The following MSH4 variants were observed in gnomAD, a reference collection of about 807,000 sequenced individuals.
MSH4 encodes mutS homolog 4, also known as mutS protein homolog 4.
In MSH4, 106 loss-of-function variants were observed where a neutral mutation model predicts 113.7. The ratio of observed to expected loss-of-function variants is 0.93; its 90% CI spans 0.80 to 1.10. The LOEUF is 1.10. MSH4 is among the 50% of genes least tolerant of loss of function. The pLI is 0.00. For synonymous variants in MSH4, 368 were observed against 380.2 expected (o/e 0.97, Z 0.37); for missense variants, 1,061 against 1,093.7 (o/e 0.97, Z 0.42).
chr1:75,899,997 C>T (rs1231780551), intron 19 of MSH4, among the ~76,000 whole-genome samples: 2 of 151,566 alleles, frequency 1.3e-5, no homozygotes, highest in Non-Finnish European at 2.9e-5. Flanking sequence ...GGAAATAAAT[C>T]TATTTTAAGT....
intron 15 of MSH4, among the ~76,000 whole-genome samples, chr1:75,885,955 ATG>A (rs1652090706): frequency 1.7e-5 from 2 of 115,788 alleles, no homozygotes; most frequent in Non-Finnish European, 3.3e-5. Flanking sequence ...AATATATATG[ATG>A]TATTATATAG....
chr1:75,826,003 CTTA>C (rs915434400), intron 7 of MSH4, among the ~76,000 whole-genome samples: 21 of 152,168 alleles, frequency 1.4e-4, no homozygotes, highest in Non-Finnish European at 2.6e-4. Context: ...AGGAGTCCCT[CTTA>C]TTCTATTGTT....
At chr1:75,857,565 A>G (rs536274876) in intron 8 of MSH4, among the ~76,000 whole-genome samples, 4 of 152,108 alleles carry the variant, frequency 2.6e-5, no homozygotes, top group African/African-American at 9.6e-5. Flanking sequence ...CATTGCTTGT[A>G]TGTCTCAGGT....
In MSH4 at chr1:75,912,594, C is replaced by T. The variant is rs932500688; in HGVS notation, c.2620-102C>T. The stretch of plus-strand genomic sequence containing the variant: ...AAGGAATTAGTTAACCCTTGAGTTC[C>T]ATATGTCTATGGAAGGAGATAGAAT... On this transcript the variant is annotated intron_variant, in intron 19 of 19. Coordinates refer to ENST00000263187, the MANE Select transcript of MSH4 (RefSeq NM_002440.4). The T allele has an allele frequency of 5.9e-6, 4 of 682,430 alleles. No individual in the cohort carries two copies. The East Asian group carries it at 1.4e-4, about 25-fold the overall frequency. The allele number at this position is 682,430 out of a possible 1,614,324, so 42.3% of individuals were successfully genotyped here.
intron 8 of MSH4, among the ~76,000 whole-genome samples, chr1:75,854,617 C>T (rs1277062813): frequency 1.3e-5 from 2 of 152,306 alleles, no homozygotes; most frequent in Non-Finnish European, 2.9e-5. Context: ...ACCCCCACAC[C>T]AACGATGCTC....
chr1:75,820,941 C>A (rs1650394894), intron 6 of MSH4, among the ~76,000 whole-genome samples: 1 of 150,984 alleles, frequency 6.6e-6, no homozygotes, highest in Non-Finnish European at 1.5e-5. Context: ...CTTAGACTCC[C>A]ACACAATAAT....
chr1:75,879,978 C>T (rs1383241412), intron 12 of MSH4, 72 bp from the exon 13 acceptor site: 1 of 740,804 alleles, frequency 1.3e-6, no homozygotes, highest in Non-Finnish European at 2.3e-6. Flanking sequence ...ACCCATATTT[C>T]TGTTGTTTAA....
intron 15 of MSH4, among the ~76,000 whole-genome samples, chr1:75,887,170 G>A (rs767799749): frequency 2.0e-5 from 3 of 151,950 alleles, no homozygotes; most frequent in East Asian, 1.9e-4. Flanking sequence ...GGACCTGGTC[G>A]GAGGTGATTA....
chr1:75,879,970 C>A, intron 12 of MSH4, 80 bp from the exon 13 acceptor site: 2 of 695,474 alleles, frequency 2.9e-6, no homozygotes, highest in Non-Finnish European at 5.1e-6. Context: ...ACCTAAATAC[C>A]CATATTTCTG....
chr1:75,836,567 T>C (rs961561012), intron 7 of MSH4, among the ~76,000 whole-genome samples: 6 of 152,166 alleles, frequency 3.9e-5, no homozygotes, highest in African/African-American at 1.4e-4. Flanking sequence ...TCAGTGTCTG[T>C]TTCTGGAGAA....
intron 7 of MSH4, among the ~76,000 whole-genome samples, chr1:75,824,294 A>G (rs1650496158): frequency 6.6e-6 from 1 of 152,106 alleles, no homozygotes; most frequent in South Asian, 2.1e-4. Flanking sequence ...GTGTCTGTTC[A>G]TATCCTCTGC....
chr1:75,799,751 A>AC (rs1027627536), intron 1 of MSH4, among the ~76,000 whole-genome samples: 19 of 152,094 alleles, frequency 1.2e-4, no homozygotes, highest in Non-Finnish European at 1.9e-4. Flanking sequence ...TAACCCAGAG[A>AC]CCCCCCATAT....
At chr1:75,905,353 T>C (rs1287666354) in intron 19 of MSH4, among the ~76,000 whole-genome samples, 1 of 152,130 alleles carries the variant, frequency 6.6e-6, no homozygotes, top group African/African-American at 2.4e-5. Context: ...ATATATATAG[T>C]TTCCAAAAGT....
Position 75,880,054 on chromosome 1 carries a change from C to T in MSH4, c.1682C>T (p.Ser561Phe), listed in dbSNP as rs759216786. Residue 561 changes from serine (S) to phenylalanine (F), a missense_variant, in exon 13 of 20, where the codon TCT (serine) becomes TTT (phenylalanine). Physicochemically the swap from Ser to Phe is radical, Grantham distance 155. Coordinates refer to ENST00000263187, the MANE Select transcript of MSH4 (RefSeq NM_002440.4). ...DQLPSEFIKI[S>F]KVKNSYSFTS... ...TGTTTTTTAATCTCCAAGCAGATTT[C>T]TAAAGTGAAAAATTCTTACAGCTTT... 87 of 1,543,750 alleles carry T rather than the reference C, an allele frequency of 5.6e-5. No homozygotes were observed. The highest frequency in any genetic ancestry group is 1.7e-4 in the Admixed American group (10 of 57,150).
intron 7 of MSH4, among the ~76,000 whole-genome samples, chr1:75,840,202 A>G (rs1191216522): frequency 5.4e-5 from 8 of 147,174 alleles, no homozygotes; most frequent in Non-Finnish European, 7.6e-5. Context: ...TCATGCTGCT[A>G]TAAAGACACA....
chr1:75,867,831 C>T lies in MSH4; in HGVS notation c.1305+243C>T, dbSNP rs5745439. ...CTAAGTACTTAGGAGACTAAAGTCT[C>T]CCAACAAAAAGATGTTCTCTTATAT... On this transcript the variant is annotated intron_variant, in intron 9 of 19. Transcript: ENST00000263187. Among the ~76,000 whole-genome samples, 979 of 151,928 alleles carry T rather than the reference C, an allele frequency of 6.4e-3. 4 individuals are homozygous for T. Among genetic ancestry groups the T allele is most frequent in the African/African-American group, 0.023 (941 of 41,470 alleles).
Position 75,797,117 on chromosome 1 carries a change from G to T in MSH4, c.132G>T (p.Ser44=), listed in dbSNP as rs753988970. ...AGGAGACTCCACAGAGCCGCCCTTC[G>T]GTCCAGGTGGTCTCTGCATCCACCT... ...GLQETPQSRP[S]VQVVSASTCP... The change falls in exon 1 of 20, where the codon TCG becomes TCT. Residue 44 remains serine, a synonymous_variant. Coordinates refer to ENST00000263187, the MANE Select transcript of MSH4 (RefSeq NM_002440.4). 6.2e-7 allele frequency: 1 copy of T among 1,613,778 alleles called. No homozygotes were observed. Among genetic ancestry groups the T allele is most frequent in the African/African-American group, 1.3e-5 (1 of 74,910 alleles).
Position 75,797,166 on chromosome 1 carries a change from G to C in MSH4, c.181G>C (p.Gly61Arg), listed in dbSNP as rs1649834131. The stretch of plus-strand genomic sequence containing the variant: ...CTGTCCTGGCACGTCAGGAGCTGCG[G>C]GCGACCGGAGCAGCAGCAGCAGCAG... ...STCPGTSGAAGDRSSSSSSLP... is the reference protein window; with the variant it reads ...STCPGTSGAARDRSSSSSSLP... Residue 61 changes from glycine (G) to arginine (R), a missense_variant, in exon 1 of 20, where the codon GGC (glycine) becomes CGC (arginine). Physicochemically the swap from Gly to Arg is moderately radical, Grantham distance 125. Coordinates refer to ENST00000263187, the MANE Select transcript of MSH4 (RefSeq NM_002440.4). 10 of 1,611,372 alleles carry C rather than the reference G, an allele frequency of 6.2e-6. No homozygotes were observed. The highest frequency in any genetic ancestry group is 8.5e-6 in the Non-Finnish European group (10 of 1,178,924).
chr1:75,802,047 T>TA (rs1649948919), intron 1 of MSH4, among the ~76,000 whole-genome samples: 1 of 152,102 alleles, frequency 6.6e-6, no homozygotes, highest in South Asian at 2.1e-4. Context: ...CATGAGCCTA[T>TA]AGTCCCAGCT....
Sources: gnomAD v4.1 joint callset for allele counts (sites outside exome capture counted in the v4.1 genomes callset) on GRCh38, gnomAD v4.1.1 for gene constraint, MANE v1.5 for transcripts, NCBI Gene and HGNC (gene_info 2026-07-23, HGNC 2026-07-21) for gene names.